Variants in ZNF19 observed in about 807,000 individuals in gnomAD.
ZNF19 encodes the protein zinc finger protein 19, also known as zinc finger protein 19 (KOX 12).
In ZNF19, 11 loss-of-function variants were observed where a neutral mutation model predicts 13.1. That is an observed-to-expected ratio of 0.84 (90% CI 0.53 to 1.39). The LOEUF (loss-of-function observed/expected upper bound fraction) is 1.39, where lower values mean the gene tolerates loss of function less well. ZNF19 is among the 40% of genes most tolerant of loss of function. ZNF19 has a pLI of 0.00. For missense variants in ZNF19, 560 were observed against 547.0 expected, an observed-to-expected ratio of 1.02 and a Z score of -0.24; for synonymous variants, 186 against 187.0, an observed-to-expected ratio of 0.99 and a Z score of 0.04.
intron 1 of ZNF19, among the ~76,000 whole-genome samples, chr16:71,488,574 G>A (rs1339409479): frequency 3.9e-5 from 6 of 152,136 alleles, no homozygotes; most frequent in South Asian, 2.1e-4. Flanking sequence ...CGAGACAGGC[G>A]GATCGCCTGA....
chr16:71,478,766 G>A, intron 4 of ZNF19, 113 bp downstream of exon 4: 2 of 1,421,794 alleles, frequency 1.4e-6, no homozygotes, highest in Non-Finnish European at 1.9e-6. Flanking sequence ...ACTCAGTGGA[G>A]GACACAAGAG....
At chr16:71,485,861 A>G (rs1016939553) in intron 1 of ZNF19, among the ~76,000 whole-genome samples, 25 of 152,140 alleles carry the variant, frequency 1.6e-4, no homozygotes, top group African/African-American at 6.0e-4. Flanking sequence ...GGACATTTTC[A>G]TCTCCCCAAA....
In ZNF19 at chr16:71,475,304, A is replaced by T; in HGVS notation, c.1243T>A (p.Cys415Ser). The T allele has an allele frequency of 6.2e-7, 1 of 1,614,164 alleles. No homozygotes were observed. The highest frequency in any genetic ancestry group is 8.5e-7 in the Non-Finnish European group (1 of 1,180,014). The change falls in exon 6 of 6, where the codon TGT becomes AGT. Residue 415 changes from cysteine (C) to serine (S), a missense_variant. Cys to Ser is a moderately radical substitution (Grantham distance 112). Transcript: ENST00000288177. ...CCAAAGGCCTTCTCATACTTGCTAC[A>T]CTCATAGGGTTTCTCTCCAGTATGG... is the stretch of plus-strand genomic sequence containing the variant. ...RIHTGEKPYE[C>S]SKYEKAFGTS...
chr16:71,481,018 A>G (rs1417964653), intron 3 of ZNF19, among the ~76,000 whole-genome samples: 1 of 152,250 alleles, frequency 6.6e-6, no homozygotes, highest in Non-Finnish European at 1.5e-5. Context: ...CAGAGAAGGA[A>G]CAACAAACTC....
At position 71,474,506 on chromosome 16, in the gene ZNF19, T is replaced by C. The variant is rs1189814115; in HGVS notation, c.*664A>G. 1 of 152,260 alleles carries C rather than the reference T, an allele frequency of 6.6e-6. No individual in the cohort carries two copies. The highest frequency in any genetic ancestry group is 1.5e-5 in the Non-Finnish European group (1 of 68,046). 9.4% of individuals were successfully genotyped at this position (152,260 alleles called of 1,614,324 possible). ...ACAGAGCTCAAGTTGTTAGAACTTC[T>C]ATCTACTAGTGGTGTCTGATATAAC... On this transcript the variant is annotated 3_prime_UTR_variant, in exon 6 of 6. Transcript: ENST00000288177.
chr16:71,474,926 T>C lies in ZNF19; in HGVS notation c.*244A>G, dbSNP rs1445937854. On this transcript the variant is annotated 3_prime_UTR_variant, in exon 6 of 6. Transcript: ENST00000288177. Reference sequence around the variant, plus strand: ...GCTGTGTGGACTTCATTCTCACCTCTGTAAGAGTCTAGTTCTTCTTCTCAG... The same window carrying C: ...GCTGTGTGGACTTCATTCTCACCTCCGTAAGAGTCTAGTTCTTCTTCTCAG... The C allele has an allele frequency of 2.0e-6, 1 of 507,466 alleles. No homozygotes were observed. The highest frequency in any genetic ancestry group is 3.5e-6 in the Non-Finnish European group (1 of 289,162). 31.4% of individuals were successfully genotyped at this position (507,466 alleles called of 1,614,324 possible). A position where few individuals can be genotyped will look rare whatever the true frequency, so the allele number is the denominator to read the frequency against.
At chr16:71,477,116 T>A (rs1351528280) in intron 5 of ZNF19, among the ~76,000 whole-genome samples, 2 of 152,192 alleles carry the variant, frequency 1.3e-5, no homozygotes, top group Non-Finnish European at 2.9e-5. Flanking sequence ...TTATATGAAA[T>A]GATGGGCTTG....
chr16:71,481,945 C>A, intron 3 of ZNF19, 137 bp downstream of exon 3: 3 of 878,368 alleles, frequency 3.4e-6, no homozygotes, highest in Admixed American at 2.1e-5. Flanking sequence ...CTTTCCCCAG[C>A]ACCCAGTCCT....
intron 2 of ZNF19, among the ~76,000 whole-genome samples, chr16:71,482,496 G>A (rs908128628): frequency 1.3e-5 from 2 of 151,998 alleles, no homozygotes; most frequent in African/African-American, 4.8e-5. Context: ...GAATATAAAA[G>A]GTTAAAAATA....
Position 71,478,353 on chromosome 16 carries a change from A to AAG in ZNF19, c.161-14_161-13dup, listed in dbSNP as rs1459067299. 6.3e-7 allele frequency: 1 copy of AAG among 1,592,714 alleles called. No homozygotes were observed. The highest frequency in any genetic ancestry group is 2.2e-5 in the East Asian group (1 of 44,772). ...GGGAACTGGGTACCCTGAAAACAGG[A>AAG]AGAAAATGGTACTTTTCAGCCCTGT... On this transcript the variant is annotated splice_polypyrimidine_tract_variant and intron_variant, in intron 4 of 5. Coordinates refer to ENST00000288177, the MANE Select transcript of ZNF19 (RefSeq NM_006961.4).
Position 71,476,215 on chromosome 16 carries a change from C to G in ZNF19, c.332G>C (p.Arg111Thr). 7 of 1,614,112 alleles carry G rather than the reference C, an allele frequency of 4.3e-6. No homozygotes were observed. The highest frequency in any genetic ancestry group is 5.9e-6 in the Non-Finnish European group (7 of 1,179,992). ...STLIQGISEE[R>T]DGMMSHGQLK... ...CTGACCATGTGACATCATCCCATCT[C>G]TTTCTTCAGAAATTCCCTGGATTAA... Residue 111 changes from arginine (R) to threonine (T), a missense_variant, in exon 6 of 6, where the codon AGA becomes ACA. Transcript: ENST00000288177.
In ZNF19 at chr16:71,475,729, T is replaced by C. The variant is rs746820113; in HGVS notation, c.818A>G (p.Tyr273Cys). Reference sequence around the variant, plus strand: ...AGCTTTGCCACACTCATTACACTCATAGGGTTTCTCCCCAGTGTGGATTCT... The same window carrying C: ...AGCTTTGCCACACTCATTACACTCACAGGGTTTCTCCCCAGTGTGGATTCT... ...HQRIHTGEKPYECNECGKAFV... is the reference protein window; with the variant it reads ...HQRIHTGEKPCECNECGKAFV... Residue 273 changes from tyrosine to cysteine, a missense_variant, in exon 6 of 6, where the codon TAT becomes TGT. Coordinates refer to ENST00000288177, the MANE Select transcript of ZNF19 (RefSeq NM_006961.4). The C allele has an allele frequency of 1.9e-6, 3 of 1,612,284 alleles. No individual in the cohort carries two copies. Among genetic ancestry groups the C allele is most frequent in the Non-Finnish European group, 1.7e-6 (2 of 1,178,708 alleles).
At chr16:71,477,432 T>C (rs2043609850) in intron 5 of ZNF19, among the ~76,000 whole-genome samples, 2 of 152,280 alleles carry the variant, frequency 1.3e-5, no homozygotes, top group East Asian at 1.9e-4. Context: ...GCAAACCACC[T>C]GCACTGAAAC....
intron 2 of ZNF19, among the ~76,000 whole-genome samples, chr16:71,483,862 A>T (rs1472260063): frequency 6.6e-6 from 1 of 152,242 alleles, no homozygotes; most frequent in Non-Finnish European, 1.5e-5. Context: ...ATTAATCAAG[A>T]TTCTCTCAAA....
chr16:71,483,997 A>G (rs1419748638), intron 2 of ZNF19, among the ~76,000 whole-genome samples: 1 of 152,260 alleles, frequency 6.6e-6, no homozygotes, highest in Non-Finnish European at 1.5e-5. Context: ...CGCAAAAGCC[A>G]TGTTCTAGTA....
intron 1 of ZNF19, 22 bp from the exon 2 acceptor site, chr16:71,484,770 A>G (rs2043664549): frequency 2.0e-6 from 2 of 982,184 alleles, no homozygotes; most frequent in Non-Finnish European, 1.2e-6. Flanking sequence ...AAGAAAGTAT[A>G]TCATTGTTTT....
At position 71,484,587 on chromosome 16, in the gene ZNF19, A is replaced by C; in HGVS notation, c.-30+2T>G. The C allele has an allele frequency of 4.1e-6, 4 of 985,216 alleles. No individual in the cohort carries two copies. Among genetic ancestry groups the C allele is most frequent in the Non-Finnish European group, 4.8e-6 (4 of 829,888 alleles). 61.0% of individuals were successfully genotyped at this position (985,216 alleles called of 1,614,324 possible). A position where few individuals can be genotyped will look rare whatever the true frequency, so the allele number is the denominator to read the frequency against. Reference sequence around the variant, plus strand: ...TCCTAGGCGACAAACCCCAACACTCACCTCAGGAAAAACAGAAAGCGGTGC... The same window carrying C: ...TCCTAGGCGACAAACCCCAACACTCCCCTCAGGAAAAACAGAAAGCGGTGC... On this transcript the variant is annotated splice_donor_variant, in intron 2 of 5. Transcript: ENST00000288177. LOFTEE classifies it low-confidence loss of function (5UTR_SPLICE).
intron 2 of ZNF19, among the ~76,000 whole-genome samples, chr16:71,483,355 G>A (rs2145171449): frequency 6.6e-6 from 1 of 152,312 alleles, no homozygotes; most frequent in Middle Eastern, 3.4e-3. Flanking sequence ...CTTCCCTACA[G>A]GGACTTAATG....
chr16:71,473,982 A>G lies in ZNF19; in HGVS notation c.*1188T>C, dbSNP rs2043583248. 1 of 152,294 alleles carries G rather than the reference A, an allele frequency of 6.6e-6. No individual in the cohort carries two copies. Among genetic ancestry groups the G allele is most frequent in the South Asian group, 2.1e-4 (1 of 4,834 alleles). 9.4% of individuals were successfully genotyped at this position (152,294 alleles called of 1,614,324 possible). On this transcript the variant is annotated 3_prime_UTR_variant, in exon 6 of 6. Coordinates refer to ENST00000288177, the MANE Select transcript of ZNF19 (RefSeq NM_006961.4). Reference sequence around the variant, plus strand: ...TTGGTCAACCCAAGCACATGATACAACTGCTCATTCATCTGCTGACAAGTA... The same window carrying G: ...TTGGTCAACCCAAGCACATGATACAGCTGCTCATTCATCTGCTGACAAGTA...
Sources: allele counts gnomAD v4.1 joint callset (sites outside exome capture counted in the v4.1 genomes callset), GRCh38; gene constraint gnomAD v4.1.1; transcripts MANE v1.5; gene names NCBI Gene and HGNC (gene_info 2026-07-23, HGNC 2026-07-21).